NRG4: variants seen among roughly 807,000 people sequenced by gnomAD.
NRG4 encodes the protein pro-neuregulin-4, membrane-bound isoform.
In NRG4, 10 loss-of-function variants were observed where a neutral mutation model predicts 15.0. That is an observed-to-expected ratio of 0.67 (90% CI 0.41 to 1.13). The LOEUF is 1.13. Among genes scored for constraint, NRG4 ranks in the 50% most tolerant of loss-of-function variants. The pLI is 0.00. For missense variants in NRG4, 139 were observed against 140.2 expected (o/e 0.99, Z 0.04); for synonymous variants, 41 against 50.1 (o/e 0.82, Z 0.77).
rs146734379 is a variant in NRG4 at position 75,965,179 on chromosome 15, C to T, written c.105-3205G>A. Among the ~76,000 whole-genome samples the T allele has an allele frequency of 3.9e-3, 594 of 151,580 alleles. 19 individuals are homozygous for T. The highest frequency in any genetic ancestry group is 0.034 in the Admixed American group (523 of 15,236). The stretch of plus-strand genomic sequence containing the variant: ...GGCGGAGCTTGCAGTGAGCCGAGAT[C>T]GGGCCACTGCACTCCAGCTTGGGCG... On this transcript the variant is annotated intron_variant, in intron 3 of 5. Coordinates refer to ENST00000394907, the MANE Select transcript of NRG4 (RefSeq NM_138573.4).
intron 3 of NRG4, among the ~76,000 whole-genome samples, chr15:76,007,022 T>C (rs1328761333): frequency 6.6e-6 from 1 of 152,180 alleles, no homozygotes; most frequent in Admixed American, 6.5e-5. Flanking sequence ...ACCTATAGGT[T>C]ACAGAAGAAA....
At chr15:76,048,643 CAT>C (rs2035929674) in intron 4 of NRG4, among the ~76,000 whole-genome samples, 1 of 150,814 alleles carries the variant, frequency 6.6e-6, no homozygotes, top group African/African-American at 2.5e-5. Context: ...AGAAAAAAAT[CAT>C]AGTGCTCCCC....
At chr15:75,978,829 T>A (rs925703761) in intron 3 of NRG4, among the ~76,000 whole-genome samples, 4 of 152,252 alleles carry the variant, frequency 2.6e-5, no homozygotes, top group African/African-American at 9.6e-5. Flanking sequence ...GCCATTTATA[T>A]GCCTTCTTTT....
intron 3 of NRG4, among the ~76,000 whole-genome samples, chr15:76,008,103 T>C (rs971173210): frequency 7.2e-5 from 11 of 152,208 alleles, no homozygotes; most frequent in African/African-American, 2.7e-4. Flanking sequence ...TAATCCATTT[T>C]GCACTTTAAA....
intron 1 of NRG4, among the ~76,000 whole-genome samples, chr15:76,058,483 G>C (rs942228228): frequency 3.9e-5 from 6 of 152,156 alleles, no homozygotes; most frequent in Non-Finnish European, 5.9e-5. Flanking sequence ...ATCCAGGGAA[G>C]GTAGTCCAAG....
intron 1 of NRG4, chr15:76,057,348 A>G (rs2036177984): frequency 1.3e-5 from 2 of 152,182 alleles, no homozygotes; most frequent in African/African-American, 4.8e-5. Flanking sequence ...ATTTTAAGCA[A>G]GTGTTCCCAA....
At position 76,046,342 on chromosome 15, in the gene NRG4, GA is replaced by G. The variant is rs577136327; in HGVS notation, c.-105+5724del. ...CGAACGGCGTTCTTTATAAAAATAG[GA>G]AAAAAAATTCTTAAATTTATATGGA... is the stretch of plus-strand genomic sequence containing the variant. On this transcript the variant is annotated intron_variant, in intron 4 of 8. Coordinates refer to the NRG4 transcript ENST00000563910. Among the ~76,000 whole-genome samples the G allele has an allele frequency of 4.4e-4, 66 of 150,770 alleles. 5 individuals carry two copies. The highest frequency in any genetic ancestry group is 1.5e-3 in the African/African-American group (62 of 40,582).
intron 3 of NRG4, among the ~76,000 whole-genome samples, chr15:75,965,336 T>C (rs1375354979): frequency 6.6e-6 from 1 of 152,074 alleles, no homozygotes; most frequent in Non-Finnish European, 1.5e-5. Context: ...TAAATACAAG[T>C]TTGTAATCAG....
chr15:75,995,079 TCCCGAGGCTGAGGTGGGAGGATTGCTTG>T (rs970471062), intron 3 of NRG4, among the ~76,000 whole-genome samples: 2 of 151,786 alleles, frequency 1.3e-5, no homozygotes, highest in African/African-American at 4.8e-5. Context: ...TTCCAGCTAC[TCCCGAGGCTGAGGTGGGAGGATTGCTTG>T]AACCAGGGAG....
chr15:76,011,437 A>C, intron 1 of NRG4, 151 bp from the exon 2 acceptor site: 2 of 370,300 alleles, frequency 5.4e-6, no homozygotes. Flanking sequence ...TAGTTACAGC[A>C]TTTTTAGATA....
intron 2 of NRG4, among the ~76,000 whole-genome samples, chr15:76,054,478 G>C (rs535702509): frequency 6.6e-6 from 1 of 151,944 alleles, no homozygotes; most frequent in East Asian, 1.9e-4. Flanking sequence ...GCAGTGGCAC[G>C]ATCTTGGCTC....
At chr15:76,025,862 G>A (rs1192862307) in intron 5 of NRG4, among the ~76,000 whole-genome samples, 1 of 151,916 alleles carries the variant, frequency 6.6e-6, no homozygotes, top group Non-Finnish European at 1.5e-5. Context: ...GAGTGACAGA[G>A]TGAGACTTTG....
chr15:75,999,031 T>G (rs758602887), intron 3 of NRG4, among the ~76,000 whole-genome samples: 11 of 152,182 alleles, frequency 7.2e-5, no homozygotes, highest in Non-Finnish European at 1.5e-4. Flanking sequence ...GAGACTGCTG[T>G]GGGCATAAGA....
intron 5 of NRG4, among the ~76,000 whole-genome samples, chr15:76,030,864 G>A (rs1382232319): frequency 2.0e-5 from 3 of 152,106 alleles, no homozygotes; most frequent in Admixed American, 6.5e-5. Context: ...ACTGAAGAAT[G>A]AACATTTCCC....
At chr15:76,031,066 T>C (rs1020040104) in intron 5 of NRG4, among the ~76,000 whole-genome samples, 16 of 152,212 alleles carry the variant, frequency 1.1e-4, no homozygotes, top group Admixed American at 5.2e-4. Context: ...GTTGGTCTAA[T>C]ATGTGTGAAT....
chr15:75,994,126 A>G (rs995963621), intron 3 of NRG4, among the ~76,000 whole-genome samples: 8 of 152,124 alleles, frequency 5.3e-5, no homozygotes, highest in African/African-American at 1.9e-4. Flanking sequence ...ATTCCTTTTT[A>G]AAGTACAAAT....
chr15:75,946,603 C>T (rs2031530779), intron 5 of NRG4, among the ~76,000 whole-genome samples: 1 of 152,202 alleles, frequency 6.6e-6, no homozygotes, highest in African/African-American at 2.4e-5. Flanking sequence ...TCGTGATCCG[C>T]CTGCCTCAGC....
chr15:76,031,926 G>T (rs1482313296), intron 5 of NRG4, among the ~76,000 whole-genome samples: 1 of 152,154 alleles, frequency 6.6e-6, no homozygotes, highest in Non-Finnish European at 1.5e-5. Flanking sequence ...ACAGATAAAT[G>T]CTTTCAATGG....
intron 5 of NRG4, among the ~76,000 whole-genome samples, chr15:76,024,148 G>GT (rs2035239155): frequency 6.6e-6 from 1 of 152,226 alleles, no homozygotes; most frequent in Non-Finnish European, 1.5e-5. Context: ...CTGCCAACAT[G>GT]TAAGTCTTGG....
Sources: allele counts gnomAD v4.1 joint callset (sites outside exome capture counted in the v4.1 genomes callset), GRCh38; gene constraint gnomAD v4.1.1; transcripts MANE v1.5; gene names NCBI Gene and HGNC (gene_info 2026-07-23, HGNC 2026-07-21).